Variants in ING2 observed in about 807,000 individuals in gnomAD.
ING2 encodes the protein inhibitor of growth family member 2.
Under a neutral mutation model 30.6 loss-of-function variants are expected in ING2, and 7 were observed. That is an observed-to-expected ratio of 0.23 (90% CI 0.13 to 0.43). The LOEUF is 0.43. Among genes scored for constraint, ING2 ranks in the 20% least tolerant of loss-of-function variants. The pLI is 1.00. For synonymous variants in ING2, 136 were observed against 121.7 expected, an observed-to-expected ratio of 1.12 and a Z score of -0.78; for missense variants, 239 against 334.9, an observed-to-expected ratio of 0.71 and a Z score of 2.24.
At chr4:183,510,206 T>TA in intron 1 of ING2, 76 bp from the exon 2 acceptor site, 2 of 1,096,404 alleles carry the variant, frequency 1.8e-6, no homozygotes, top group Non-Finnish European at 2.6e-6. Context: ...TTCAATTCTG[T>TA]AAAAAATAAC....
Position 183,506,979 on chromosome 4 carries a change from C to T in ING2, c.172+1612C>T, listed in dbSNP as rs141314289. Among the ~76,000 whole-genome samples, 37 of 152,218 alleles carry T rather than the reference C, an allele frequency of 2.4e-4. No homozygotes were observed. The East Asian group carries it at 6.0e-3, about 25-fold the overall frequency. The stretch of plus-strand genomic sequence containing the variant: ...AATTTAAGTTTTAATAAAAACTGTC[C>T]AAGGGGATTTCTACAGATATGGAGC... On this transcript the variant is annotated intron_variant, in intron 1 of 1. Coordinates refer to ENST00000302327, the MANE Select transcript of ING2 (RefSeq NM_001564.4).
chr4:183,509,810 G>C (rs1734775702), intron 1 of ING2, among the ~76,000 whole-genome samples: 1 of 145,948 alleles, frequency 6.9e-6, no homozygotes, highest in African/African-American at 2.5e-5. Context: ...CTCGGCTCAC[G>C]GCAACCTCCG....
At position 183,510,561 on chromosome 4, in the gene ING2, G is replaced by A; in HGVS notation, c.452G>A (p.Arg151Lys). Residue 151 changes from arginine to lysine, a missense_variant, in exon 2 of 2, where the codon AGA becomes AAA. By Grantham distance (26) the Arg-to-Lys change is conservative. Transcript: ENST00000302327. ...AGCCAACCAGAAAGATCTTCAAGAA[G>A]ACCCCGCAGGCAGCGGACCAGTGAA... ...DSSQPERSSR[R>K]PRRQRTSESR... 1.2e-6 allele frequency: 2 copies of A among 1,614,052 alleles called. No individual in the cohort carries two copies. Among genetic ancestry groups the A allele is most frequent in the Non-Finnish European group, 1.7e-6 (2 of 1,180,036 alleles).
intron 1 of ING2, among the ~76,000 whole-genome samples, chr4:183,508,188 T>C (rs1352421256): frequency 6.6e-6 from 1 of 152,052 alleles, no homozygotes; most frequent in Non-Finnish European, 1.5e-5. Context: ...CTTTACCACA[T>C]AGAAGGGGCT....
rs772614168 is a variant in ING2 at position 183,510,233 on chromosome 4, T to A, written c.173-49T>A. 2.7e-5 allele frequency: 34 copies of A among 1,276,966 alleles called. No homozygotes were observed. In the Middle Eastern group the frequency reaches 1.5e-3, roughly 55 times the overall value. The allele number at this position is 1,276,966 out of a possible 1,614,324, so 79.1% of individuals were successfully genotyped here. The stretch of plus-strand genomic sequence containing the variant: ...AAAAATAACTACCTTGGAAATGTTG[T>A]GTCTGCTAACACATGATAACGTTCT... On this transcript the variant is annotated intron_variant, in intron 1 of 1. Transcript: ENST00000302327.
intron 1 of ING2, among the ~76,000 whole-genome samples, chr4:183,507,703 G>A (rs1734709600): frequency 2.6e-5 from 4 of 152,188 alleles, no homozygotes; most frequent in South Asian, 2.1e-4. Context: ...TATATTTTGG[G>A]TTCAGATTTC....
chr4:183,506,074 C>A, intron 1 of ING2: 2 of 1,162,952 alleles, frequency 1.7e-6, no homozygotes, highest in Non-Finnish European at 2.2e-6. Flanking sequence ...GCGGGCTTGA[C>A]GAGGGGCGTG....
At chr4:183,507,745 A>G (rs1289696393) in intron 1 of ING2, among the ~76,000 whole-genome samples, 1 of 152,110 alleles carries the variant, frequency 6.6e-6, no homozygotes, top group Non-Finnish European at 1.5e-5. Context: ...GTGCTTAAGT[A>G]TTTTCTGGTT....
Position 183,510,431 on chromosome 4 carries a change from C to G in ING2, c.322C>G (p.Leu108Val). 1 of 1,614,158 alleles carries G rather than the reference C, an allele frequency of 6.2e-7. No homozygotes were observed. The highest frequency in any genetic ancestry group is 8.5e-7 in the Non-Finnish European group (1 of 1,180,030). Residue 108 changes from leucine to valine, a missense_variant, in exon 2 of 2, where the codon CTC (leucine) becomes GTC (valine). Coordinates refer to ENST00000302327, the MANE Select transcript of ING2 (RefSeq NM_001564.4). ...DEKIQIVTQMLELVENRARQM... is the reference protein window; with the variant it reads ...DEKIQIVTQMVELVENRARQM... ...AAAAATACAGATTGTTACACAAATG[C>G]TCGAATTGGTGGAAAATCGGGCAAG...
In ING2 at chr4:183,505,124, C is replaced by G; in HGVS notation, c.-72C>G. The stretch of plus-strand genomic sequence containing the variant: ...GGCGCCGGGCTGCTGAGCTGAGGGC[C>G]CGCGGCGGCCGCGGCCGGTGCATGT... On this transcript the variant is annotated 5_prime_UTR_variant, in exon 1 of 2. Transcript: ENST00000302327. 7.0e-7 allele frequency: 1 copy of G among 1,435,196 alleles called. No individual in the cohort carries two copies. The highest frequency in any genetic ancestry group is 9.2e-7 in the Non-Finnish European group (1 of 1,092,272). 88.9% of individuals were successfully genotyped at this position (1,435,196 alleles called of 1,614,324 possible). A position where few individuals can be genotyped will look rare whatever the true frequency, so the allele number is the denominator to read the frequency against.
In ING2 at chr4:183,511,875, A is replaced by G. The variant is rs1472500532; in HGVS notation, c.*923A>G. On this transcript the variant is annotated 3_prime_UTR_variant, in exon 2 of 2. Coordinates refer to ENST00000302327, the MANE Select transcript of ING2 (RefSeq NM_001564.4). ...CCTTTATGTCAGAGAGTTGTTTTAA[A>G]TGGTTTTGCTAGTGGTTATTGTTCA... Among the ~76,000 whole-genome samples the G allele has an allele frequency of 6.6e-6, 1 of 152,190 alleles. No individual in the cohort carries two copies. The highest frequency in any genetic ancestry group is 1.5e-5 in the Non-Finnish European group (1 of 68,026).
At chr4:183,506,781 G>A (rs1436396073) in intron 1 of ING2, among the ~76,000 whole-genome samples, 3 of 148,778 alleles carry the variant, frequency 2.0e-5, no homozygotes, top group African/African-American at 7.5e-5. Flanking sequence ...GGACTGATCC[G>A]TGTTTGGGGA....
In ING2 at chr4:183,507,004, C is replaced by T. The variant is rs374998732; in HGVS notation, c.172+1637C>T. Among the ~76,000 whole-genome samples, 75 of 152,268 alleles carry T rather than the reference C, an allele frequency of 4.9e-4. No individual in the cohort carries two copies. In the East Asian group the frequency reaches 0.013, roughly 25 times the overall value. On this transcript the variant is annotated intron_variant, in intron 1 of 1. Coordinates refer to ENST00000302327, the MANE Select transcript of ING2 (RefSeq NM_001564.4). ...CAAGGGGATTTCTACAGATATGGAG[C>T]ACAAACATGAATGGTAACCTAAAAA...
chr4:183,506,388 G>A (rs538881826), intron 1 of ING2: 2 of 1,086,422 alleles, frequency 1.8e-6, no homozygotes, highest in Non-Finnish European at 2.5e-6. Flanking sequence ...GCAACCGCCT[G>A]GCGTCCCCGA....
intron 1 of ING2, among the ~76,000 whole-genome samples, chr4:183,507,796 A>G (rs1734712207): frequency 6.6e-6 from 1 of 152,190 alleles, no homozygotes; most frequent in African/African-American, 2.4e-5. Flanking sequence ...GATATAAATT[A>G]TATAGGCAGT....
intron 1 of ING2, chr4:183,506,100 G>T: frequency 8.4e-7 from 1 of 1,189,086 alleles, no homozygotes; most frequent in South Asian, 1.5e-5. Flanking sequence ...GGCGCGGCGC[G>T]CGTTCCCGCG....
chr4:183,507,301 A>G (rs1010227604), intron 1 of ING2, among the ~76,000 whole-genome samples: 2 of 152,174 alleles, frequency 1.3e-5, no homozygotes, highest in African/African-American at 4.8e-5. Context: ...GAGTTTCACC[A>G]TGTTGGCCAG....
Position 183,510,550 on chromosome 4 carries a change from A to T in ING2, c.441A>T (p.Arg147Ser). 2.5e-6 allele frequency: 4 copies of T among 1,614,060 alleles called. No homozygotes were observed. Among genetic ancestry groups the T allele is most frequent in the Non-Finnish European group, 3.4e-6 (4 of 1,180,030 alleles). The change falls in exon 2 of 2, where the codon AGA (arginine) becomes AGT (serine). Residue 147 changes from arginine to serine, a missense_variant. Coordinates refer to ENST00000302327, the MANE Select transcript of ING2 (RefSeq NM_001564.4). The stretch of plus-strand genomic sequence containing the variant: ...AGATGGATTCCAGCCAACCAGAAAG[A>T]TCTTCAAGAAGACCCCGCAGGCAGC... The part of the protein sequence containing the change: ...KAKMDSSQPE[R>S]SSRRPRRQRT...
rs935862000 is a variant in ING2 at position 183,506,375 on chromosome 4, T to C, written c.172+1008T>C. On this transcript the variant is annotated intron_variant, in intron 1 of 1. Transcript: ENST00000302327. ...TTCAGGAGGAAGTGGGTTGGTTGAC[T>C]GGGCAACCGCCTGGCGTCCCCGAGC... is the stretch of plus-strand genomic sequence containing the variant. The C allele has an allele frequency of 1.2e-5, 14 of 1,166,614 alleles. No individual in the cohort carries two copies. In the South Asian group the frequency reaches 1.4e-4, roughly 12 times the overall value. 72.3% of individuals were successfully genotyped at this position (1,166,614 alleles called of 1,614,324 possible). A position where few individuals can be genotyped will look rare whatever the true frequency, so the allele number is the denominator to read the frequency against.
Sources: gnomAD v4.1 joint callset for allele counts (sites outside exome capture counted in the v4.1 genomes callset) on GRCh38, gnomAD v4.1.1 for gene constraint, MANE v1.5 for transcripts, NCBI Gene and HGNC (gene_info 2026-07-23, HGNC 2026-07-21) for gene names.